Variants in GRID2 observed in about 807,000 individuals in gnomAD.
GRID2 encodes glutamate ionotropic receptor delta type subunit 2, also known as glutamate receptor ionotropic, delta-2.
Under a neutral mutation model 114.8 loss-of-function variants are expected in GRID2, and 33 were observed. The observed-to-expected ratio is 0.29, with a 90% CI of 0.22 to 0.38. GRID2 has a LOEUF of 0.38. GRID2 is among the 10% of genes least tolerant of loss of function. The pLI is 1.00. For missense variants in GRID2, 1,184 were observed against 1,257.7 expected, an observed-to-expected ratio of 0.94 and a Z score of 0.89; for synonymous variants, 505 against 449.9, an observed-to-expected ratio of 1.12 and a Z score of -1.55.
At chr4:92,326,532 A>G (rs1185479093) in intron 1 of GRID2, among the ~76,000 whole-genome samples, 1 of 151,926 alleles carries the variant, frequency 6.6e-6, no homozygotes, top group African/African-American at 2.4e-5. Context: ...TAGAATATAT[A>G]GAAAGGATAA....
intron 4 of GRID2, among the ~76,000 whole-genome samples, chr4:93,142,189 G>A (rs1286136254): frequency 6.6e-6 from 1 of 152,182 alleles, no homozygotes. Context: ...CTACAGCCTG[G>A]TTGATGGAGC....
intron 2 of GRID2, among the ~76,000 whole-genome samples, chr4:92,906,312 T>A (rs1277346356): frequency 6.6e-6 from 1 of 152,222 alleles, no homozygotes; most frequent in Non-Finnish European, 1.5e-5. Context: ...TAACTGGTGT[T>A]CTTGCTGTGC....
At chr4:92,769,192 G>T (rs1203590109) in intron 2 of GRID2, among the ~76,000 whole-genome samples, 1 of 152,188 alleles carries the variant, frequency 6.6e-6, no homozygotes, top group South Asian at 2.1e-4. Flanking sequence ...CAGGCCCTGT[G>T]CAGTCCGAAA....
chr4:92,987,633 AAAAAT>A, intron 2 of GRID2, among the ~76,000 whole-genome samples: 1 of 152,218 alleles, frequency 6.6e-6, no homozygotes, highest in African/African-American at 2.4e-5. Flanking sequence ...AATGAAAAGA[AAAAAT>A]AAATCCTATT....
intron 2 of GRID2, among the ~76,000 whole-genome samples, chr4:93,007,018 T>C (rs571432792): frequency 6.6e-6 from 1 of 151,550 alleles, no homozygotes; most frequent in African/African-American, 2.4e-5. Flanking sequence ...AAACAAAAAA[T>C]AGCAATGGAG....
chr4:92,844,887 C>T (rs950084482), intron 2 of GRID2, among the ~76,000 whole-genome samples: 1 of 151,952 alleles, frequency 6.6e-6, no homozygotes. Flanking sequence ...ATCTTTTTTA[C>T]TGCTTTAATA....
intron 4 of GRID2, among the ~76,000 whole-genome samples, chr4:93,151,039 G>T (rs752875638): frequency 4.1e-5 from 6 of 145,450 alleles, no homozygotes; most frequent in South Asian, 2.1e-4. Flanking sequence ...TGAGGCGGGA[G>T]AATGGACGTG....
chr4:92,760,258 A>G (rs915004250), intron 2 of GRID2, among the ~76,000 whole-genome samples: 3 of 151,140 alleles, frequency 2.0e-5, no homozygotes, highest in South Asian at 2.1e-4. Flanking sequence ...AAAAAAAAAA[A>G]AAAGAAAAGA....
chr4:93,700,184 G>T (rs1468026561), intron 14 of GRID2, among the ~76,000 whole-genome samples: 1 of 152,082 alleles, frequency 6.6e-6, no homozygotes, highest in Non-Finnish European at 1.5e-5. Flanking sequence ...TAAGTGGATT[G>T]ACATTACAAA....
chr4:92,344,262 A>G (rs551229588), intron 1 of GRID2, among the ~76,000 whole-genome samples: 42 of 152,204 alleles, frequency 2.8e-4, no homozygotes, highest in Admixed American at 5.2e-4. Context: ...CCCTTCCTCA[A>G]TTTTCAATAG....
chr4:93,573,088 CAGAGAG>C (rs1161550637), intron 13 of GRID2, among the ~76,000 whole-genome samples: 1 of 152,076 alleles, frequency 6.6e-6, no homozygotes, highest in Non-Finnish European at 1.5e-5. Context: ...AGGAGAGAGA[CAGAGAG>C]AAAGAGAGAA....
At chr4:93,335,240 T>G (rs912398601) in intron 8 of GRID2, among the ~76,000 whole-genome samples, 1 of 152,346 alleles carries the variant, frequency 6.6e-6, no homozygotes, top group Non-Finnish European at 1.5e-5. Context: ...TCTGACACTT[T>G]AGGCAACTCA....
chr4:93,205,273 T>C (rs1018961849), intron 4 of GRID2, among the ~76,000 whole-genome samples: 2 of 152,240 alleles, frequency 1.3e-5, no homozygotes, highest in South Asian at 2.1e-4. Context: ...GTTTTAATTA[T>C]TAAGTTTCAC....
chr4:93,149,311 C>T (rs981228348), intron 4 of GRID2, among the ~76,000 whole-genome samples: 19 of 152,132 alleles, frequency 1.2e-4, no homozygotes, highest in Middle Eastern at 3.4e-3. Context: ...GGGTGGCTGA[C>T]GCCTATAATC....
Position 93,295,490 on chromosome 4 carries a change from A to C in GRID2, c.1245+57000A>C, listed in dbSNP as rs192910633. Among the ~76,000 whole-genome samples, 115 of 152,298 alleles carry C rather than the reference A, an allele frequency of 7.6e-4. 1 individual carries two copies. The highest frequency in any genetic ancestry group is 2.7e-3 in the African/African-American group (112 of 41,566). On this transcript the variant is annotated intron_variant, in intron 8 of 15. Coordinates refer to ENST00000282020, the MANE Select transcript of GRID2 (RefSeq NM_001510.4). ...AGAATTGGCTTATCAGATTAGGCAA[A>C]TCTGAAATCTGCAGGGCAGGCTGTC...
intron 1 of GRID2, among the ~76,000 whole-genome samples, chr4:92,343,267 C>T (rs1727601100): frequency 6.6e-6 from 1 of 150,938 alleles, no homozygotes; most frequent in Non-Finnish European, 1.5e-5. Context: ...ATCAAATCAA[C>T]ATATATATGT....
At chr4:92,737,423 C>G (rs1277827529) in intron 2 of GRID2, among the ~76,000 whole-genome samples, 2 of 151,942 alleles carry the variant, frequency 1.3e-5, no homozygotes, top group African/African-American at 4.8e-5. Context: ...GATCTTAATA[C>G]CAAAACAAGC....
rs922281833 is a variant in GRID2, at chr4:93,502,260, G to GT, written c.1997+11488dup. Among the ~76,000 whole-genome samples the GT allele has an allele frequency of 3.3e-4, 50 of 152,182 alleles. No individual in the cohort carries two copies. The Middle Eastern group carries it at 0.01, about 31-fold the overall frequency. ...AATTCTAAAACTACTTTGCACTTCAGTTTTTCGTCTTTTAAAAAAGTGATC... is the reference window on the plus strand; with the variant it reads ...AATTCTAAAACTACTTTGCACTTCAGTTTTTTCGTCTTTTAAAAAAGTGATC... On this transcript the variant is annotated intron_variant, in intron 12 of 15. Transcript: ENST00000282020.
chr4:93,361,467 GATT>G (rs149947795), intron 8 of GRID2, among the ~76,000 whole-genome samples: 1,620 of 147,600 alleles, frequency 0.011, 16 homozygotes, highest in East Asian at 0.045. Context: ...ATGTTACTGT[GATT>G]ATTATTATTA....
Sources: allele counts gnomAD v4.1 joint callset (sites outside exome capture counted in the v4.1 genomes callset), GRCh38; gene constraint gnomAD v4.1.1; transcripts MANE v1.5; gene names NCBI Gene and HGNC (gene_info 2026-07-23, HGNC 2026-07-21).